The following FAM135B variants were observed in gnomAD, a reference collection of about 807,000 sequenced individuals.
The protein encoded by FAM135B is protein FAM135B.
Under a neutral mutation model 127.7 loss-of-function variants are expected in FAM135B, and 43 were observed. That is an observed-to-expected ratio of 0.34 (90% confidence interval 0.26 to 0.43). The LOEUF (loss-of-function observed/expected upper bound fraction) is 0.43. Among genes scored for constraint, FAM135B ranks in the 20% least tolerant of loss-of-function variants. The pLI is 1.00. For missense variants in FAM135B, 1,558 were observed against 1,725.6 expected, an observed-to-expected ratio of 0.90 and a Z score of 1.72; for synonymous variants, 670 against 665.1, an observed-to-expected ratio of 1.01 and a Z score of -0.11.
At chr8:138,300,281 A>G (rs1340297148) in intron 3 of FAM135B, among the ~76,000 whole-genome samples, 1 of 150,830 alleles carries the variant, frequency 6.6e-6, no homozygotes, top group East Asian at 1.9e-4. Context: ...AAAAAAATCC[A>G]CAAGTTAATA....
intron 1 of FAM135B, among the ~76,000 whole-genome samples, chr8:138,406,414 C>A (rs1314332751): frequency 2.0e-5 from 3 of 151,664 alleles, no homozygotes; most frequent in Non-Finnish European, 4.4e-5. Flanking sequence ...TTTTATGAGG[C>A]CAGCATCATC....
intron 7 of FAM135B, among the ~76,000 whole-genome samples, chr8:138,206,327 TCCCCTCCACCTACCCACAACTCCAG>T (rs1266541938): frequency 0.027 from 4,085 of 150,858 alleles, 16 homozygotes; most frequent in Admixed American, 0.033. Context: ...AGCTCTATCA[TCCCCTCCACCTACCCACAACTCCAG>T]CATCCCCTCC....
At chr8:138,390,296 GT>G (rs925982872) in intron 1 of FAM135B, among the ~76,000 whole-genome samples, 1 of 152,132 alleles carries the variant, frequency 6.6e-6, no homozygotes, top group Non-Finnish European at 1.5e-5. Context: ...CATAGGGGCG[GT>G]TTCCCCCAGC....
chr8:138,137,380 A>T, intron 18 of FAM135B, 120 bp from the exon 19 acceptor site: 1 of 677,650 alleles, frequency 1.5e-6, no homozygotes, highest in South Asian at 1.7e-5. Context: ...GACACACCAC[A>T]CACTAGTGTC....
At chr8:138,248,021 A>C (rs1488894570) in intron 6 of FAM135B, among the ~76,000 whole-genome samples, 2 of 152,212 alleles carry the variant, frequency 1.3e-5, no homozygotes, top group Non-Finnish European at 2.9e-5. Context: ...CTAAATGCTT[A>C]TTATGTGCTA....
chr8:138,272,273 A>C (rs1248794297), intron 3 of FAM135B, among the ~76,000 whole-genome samples: 1 of 152,190 alleles, frequency 6.6e-6, no homozygotes, highest in Non-Finnish European at 1.5e-5. Flanking sequence ...TATTTAGCGA[A>C]TCAATCCACC....
intron 3 of FAM135B, among the ~76,000 whole-genome samples, chr8:138,299,843 G>A (rs1486429694): frequency 6.6e-6 from 1 of 151,896 alleles, no homozygotes; most frequent in Non-Finnish European, 1.5e-5. Context: ...TTGAAAACAC[G>A]TGTTGTAGAA....
rs546915105 is a variant in FAM135B, at chr8:138,234,662, A to C, written c.669+8280T>G. 1.1e-4 allele frequency among the ~76,000 whole-genome samples: 17 copies of C among 152,326 alleles called. No homozygotes were observed. In the South Asian group the frequency reaches 3.3e-3, roughly 30 times the overall value. On this transcript the variant is annotated intron_variant, in intron 7 of 19. Transcript: ENST00000395297. The stretch of plus-strand genomic sequence containing the variant: ...TTAAAGCATATTATTTAAAAATGTC[A>C]AACAGTGGCGCCTCTTGTATTCAGC...
intron 2 of FAM135B, among the ~76,000 whole-genome samples, chr8:138,343,770 C>T (rs1255491137): frequency 6.6e-6 from 1 of 152,230 alleles, no homozygotes; most frequent in Non-Finnish European, 1.5e-5. Context: ...TCCAAATATT[C>T]TTGCATCTCC....
At chr8:138,375,597 A>C (rs1245449739) in intron 1 of FAM135B, among the ~76,000 whole-genome samples, 1 of 152,226 alleles carries the variant, frequency 6.6e-6, no homozygotes, top group African/African-American at 2.4e-5. Flanking sequence ...TAACACGTAA[A>C]GTCGAAGCCA....
chr8:138,272,288 A>G (rs566344400), intron 3 of FAM135B, among the ~76,000 whole-genome samples: 15 of 152,204 alleles, frequency 9.9e-5, no homozygotes, highest in Non-Finnish European at 2.1e-4. Context: ...TCCACCAATC[A>G]ATTTATTAAT....
intron 1 of FAM135B, among the ~76,000 whole-genome samples, chr8:138,431,767 T>G (rs1835200190): frequency 6.6e-6 from 1 of 152,204 alleles, no homozygotes; most frequent in Admixed American, 6.5e-5. Flanking sequence ...ATCTTTCCAT[T>G]CTGTGGCCTT....
At chr8:138,251,252 G>A (rs1821677091) in intron 5 of FAM135B, among the ~76,000 whole-genome samples, 1 of 152,164 alleles carries the variant, frequency 6.6e-6, no homozygotes. Flanking sequence ...CTGGTGACAT[G>A]CTCCACTGTC....
chr8:138,326,034 A>C (rs183254931), intron 2 of FAM135B, among the ~76,000 whole-genome samples: 5 of 152,238 alleles, frequency 3.3e-5, no homozygotes, highest in Non-Finnish European at 5.9e-5. Context: ...CCAGCAACAC[A>C]AGTAGCTTAG....
chr8:138,436,264 C>T (rs1321397943), intron 1 of FAM135B, among the ~76,000 whole-genome samples: 1 of 152,098 alleles, frequency 6.6e-6, no homozygotes, highest in Non-Finnish European at 1.5e-5. Flanking sequence ...TCGGTAAGAT[C>T]AATGGATATA....
intron 3 of FAM135B, among the ~76,000 whole-genome samples, chr8:138,275,532 G>C (rs1347927812): frequency 1.3e-5 from 2 of 151,704 alleles, no homozygotes; most frequent in Admixed American, 1.3e-4. Flanking sequence ...AATTTTTTTT[G>C]TGAATATATA....
chr8:138,486,522 T>C (rs1182433321), intron 1 of FAM135B, among the ~76,000 whole-genome samples: 1 of 152,158 alleles, frequency 6.6e-6, no homozygotes, highest in East Asian at 1.9e-4. Context: ...CTTCCGAGAA[T>C]TGCCCACAGC....
intron 4 of FAM135B, among the ~76,000 whole-genome samples, chr8:138,260,146 C>T (rs1822436058): frequency 6.6e-6 from 1 of 152,184 alleles, no homozygotes; most frequent in East Asian, 1.9e-4. Context: ...AGTTTATTAC[C>T]CACAAACTGT....
At chr8:138,492,582 G>A (rs910555390) in intron 1 of FAM135B, among the ~76,000 whole-genome samples, 4 of 152,124 alleles carry the variant, frequency 2.6e-5, no homozygotes, top group Non-Finnish European at 4.4e-5. Flanking sequence ...ACTCTCAAAC[G>A]TGTAACCCTA....
Sources: allele counts gnomAD v4.1 joint callset (sites outside exome capture counted in the v4.1 genomes callset), GRCh38; gene constraint gnomAD v4.1.1; transcripts MANE v1.5; gene names NCBI Gene and HGNC (gene_info 2026-07-23, HGNC 2026-07-21).